The following MGAT4C variants were observed in gnomAD, a reference collection of about 807,000 sequenced individuals.
The protein encoded by MGAT4C is alpha-1,3-mannosyl-glycoprotein 4-beta-N-acetylglucosaminyltransferase C.
MGAT4C carries 19 observed loss-of-function variants against 40.1 expected under a neutral mutation model. The observed-to-expected ratio is 0.47, with a 90% CI of 0.33 to 0.70. MGAT4C has a LOEUF of 0.70. MGAT4C is among the 30% of genes least tolerant of loss of function. MGAT4C has a pLI of 0.02. For missense variants in MGAT4C, 491 were observed against 563.2 expected (o/e 0.87, Z 1.30); for synonymous variants, 181 against 187.1 (o/e 0.97, Z 0.27).
At chr12:86,811,786 C>T (rs1232925209) in intron 1 of MGAT4C, among the ~76,000 whole-genome samples, 2 of 151,442 alleles carry the variant, frequency 1.3e-5, no homozygotes, top group Non-Finnish European at 3.0e-5. Context: ...CATCAATGTT[C>T]TCTATCATTT....
At chr12:86,681,443 A>G (rs1949979156) in intron 2 of MGAT4C, among the ~76,000 whole-genome samples, 1 of 151,944 alleles carries the variant, frequency 6.6e-6, no homozygotes, top group African/African-American at 2.4e-5. Flanking sequence ...TCACAATTCA[A>G]TTAATCAGAT....
intron 3 of MGAT4C, among the ~76,000 whole-genome samples, chr12:86,391,038 AT>A (rs111497403): frequency 2.6e-5 from 4 of 151,722 alleles, no homozygotes; most frequent in Admixed American, 6.6e-5. Context: ...GAGTCACTTA[AT>A]TTTTTTTTCT....
intron 3 of MGAT4C, among the ~76,000 whole-genome samples, chr12:86,363,855 G>T (rs1306038780): frequency 6.6e-6 from 1 of 151,308 alleles, no homozygotes. Context: ...AATATAAGAG[G>T]ATAAGAAGAA....
intron 3 of MGAT4C, among the ~76,000 whole-genome samples, chr12:86,361,517 A>G (rs1955469436): frequency 6.6e-6 from 1 of 152,222 alleles, no homozygotes; most frequent in Non-Finnish European, 1.5e-5. Flanking sequence ...GCTTCTGCAC[A>G]GCAAAAGAAA....
intron 1 of MGAT4C, among the ~76,000 whole-genome samples, chr12:86,740,662 C>G (rs1162771101): frequency 6.6e-6 from 1 of 151,122 alleles, no homozygotes; most frequent in African/African-American, 2.4e-5. Flanking sequence ...TCTCAGAATT[C>G]ACAGGATTTC....
At chr12:86,712,342 T>C (rs1346140573) in intron 2 of MGAT4C, among the ~76,000 whole-genome samples, 1 of 152,030 alleles carries the variant, frequency 6.6e-6, no homozygotes, top group Non-Finnish European at 1.5e-5. Context: ...TTTCTGAAAT[T>C]AAGATGTTTA....
chr12:86,537,679 G>A (rs1207843419), intron 2 of MGAT4C, among the ~76,000 whole-genome samples: 6 of 152,058 alleles, frequency 3.9e-5, no homozygotes, highest in Admixed American at 6.5e-5. Flanking sequence ...TTGAGTGAAC[G>A]CCTCTAATTT....
intron 1 of MGAT4C, among the ~76,000 whole-genome samples, chr12:86,064,371 C>G (rs1047201905): frequency 1.3e-5 from 2 of 152,152 alleles, no homozygotes; most frequent in East Asian, 1.9e-4. Context: ...CAGAGCGAGA[C>G]TACGTCTCAA....
intron 2 of MGAT4C, among the ~76,000 whole-genome samples, chr12:86,435,522 C>T (rs897026047): frequency 2.6e-5 from 4 of 151,806 alleles, no homozygotes; most frequent in African/African-American, 9.7e-5. Context: ...AAAAAAAATA[C>T]ACACAATTAT....
At chr12:86,508,601 A>G (rs974260885) in intron 2 of MGAT4C, among the ~76,000 whole-genome samples, 5 of 151,994 alleles carry the variant, frequency 3.3e-5, no homozygotes, top group African/African-American at 1.2e-4. Flanking sequence ...GTCAAATGGT[A>G]TTTCTAGTTC....
At chr12:86,282,441 T>G (rs1428765829) in intron 4 of MGAT4C, among the ~76,000 whole-genome samples, 1 of 152,056 alleles carries the variant, frequency 6.6e-6, no homozygotes, top group African/African-American at 2.4e-5. Flanking sequence ...TTGTAATAGT[T>G]ACCATTTTTC....
At chr12:86,159,247 T>A (rs926706391) in intron 1 of MGAT4C, among the ~76,000 whole-genome samples, 2 of 152,100 alleles carry the variant, frequency 1.3e-5, no homozygotes, top group African/African-American at 4.8e-5. Context: ...CATGATGGGA[T>A]GCTGGATTTT....
At chr12:86,111,415 A>T (rs1877381975) in intron 1 of MGAT4C, among the ~76,000 whole-genome samples, 1 of 151,880 alleles carries the variant, frequency 6.6e-6, no homozygotes, top group South Asian at 2.1e-4. Context: ...ATAATACAAG[A>T]CTATGGAACA....
At chr12:86,496,625 C>CTTTGAAAAATA (rs1403645683) in intron 2 of MGAT4C, among the ~76,000 whole-genome samples, 14 of 151,950 alleles carry the variant, frequency 9.2e-5, no homozygotes, top group African/African-American at 2.9e-4. Flanking sequence ...GAAAGAGAAG[C>CTTTGAAAAATA]TATATATTTG....
chr12:86,262,687 A>T (rs1309322036), intron 4 of MGAT4C, among the ~76,000 whole-genome samples: 2 of 152,078 alleles, frequency 1.3e-5, no homozygotes, highest in Non-Finnish European at 2.9e-5. Flanking sequence ...ATACTACACA[A>T]AATATGCATA....
At chr12:86,461,336 C>T (rs1317888980) in intron 2 of MGAT4C, among the ~76,000 whole-genome samples, 1 of 149,944 alleles carries the variant, frequency 6.7e-6, no homozygotes, top group African/African-American at 2.5e-5. Context: ...AGCTCCGCTT[C>T]CCGGGTTCAC....
At chr12:86,461,833 G>A (rs370079570) in intron 2 of MGAT4C, among the ~76,000 whole-genome samples, 1 of 152,140 alleles carries the variant, frequency 6.6e-6, no homozygotes, top group African/African-American at 2.4e-5. Context: ...TCAGTTTTGT[G>A]CTGTGGTGAA....
chr12:86,468,024 CACTT>C (rs1377105572), intron 2 of MGAT4C, among the ~76,000 whole-genome samples: 1 of 152,070 alleles, frequency 6.6e-6, no homozygotes. Context: ...TCTCTACTTA[CACTT>C]ACTTCTATTT....
rs148327063 is a variant in MGAT4C at position 86,219,281 on chromosome 12, G to T, written c.-57+36958C>A. Among the ~76,000 whole-genome samples, 811 of 152,300 alleles carry T rather than the reference G, an allele frequency of 5.3e-3. 9 individuals are homozygous for T. The highest frequency in any genetic ancestry group is 9.1e-3 in the Non-Finnish European group (616 of 68,016). On this transcript the variant is annotated intron_variant, in intron 1 of 4. Transcript: ENST00000611864. ...GCCTAATCCTTCCTGAGTATTTAAA[G>T]ATTCTATTCTTCAAAGCTCTGCATT...
Sources: gnomAD v4.1 joint callset for allele counts (sites outside exome capture counted in the v4.1 genomes callset) on GRCh38, gnomAD v4.1.1 for gene constraint, MANE v1.5 for transcripts, NCBI Gene and HGNC (gene_info 2026-07-23, HGNC 2026-07-21) for gene names.